PDK1: variants seen among roughly 807,000 people sequenced by gnomAD.
The protein encoded by PDK1 is [Pyruvate dehydrogenase (acetyl-transferring)] kinase isozyme 1, mitochondrial.
A neutral mutation model predicts 54.2 loss-of-function variants in PDK1; 39 were observed. That is an observed-to-expected ratio of 0.72 (90% confidence interval 0.56 to 0.94). PDK1 has a LOEUF of 0.94. PDK1 is among the 40% of genes least tolerant of loss of function. The probability of loss-of-function intolerance (pLI) is 0.00; values close to 1 mark genes in which losing one functional copy is unlikely to be tolerated. For synonymous variants in PDK1, 221 were observed against 207.1 expected (o/e 1.07, Z -0.58); for missense variants, 552 against 566.0 (o/e 0.98, Z 0.25).
the PDK1 span, among the ~76,000 whole-genome samples, chr2:172,711,655 A>T: frequency 1.3e-5 from 2 of 152,078 alleles, no homozygotes; most frequent in Non-Finnish European, 2.9e-5. Flanking sequence ...CCTTGAGTCC[A>T]GGAACTCGAG....
chr2:172,566,902 C>T lies in PDK1; in HGVS notation c.738C>T (p.Asn246=). The T allele has an allele frequency of 1.9e-6, 3 of 1,610,238 alleles. No individual in the cohort carries two copies. Among genetic ancestry groups the T allele is most frequent in the Non-Finnish European group, 2.5e-6 (3 of 1,177,130 alleles). ...ARRLCDLYYI[N]SPELELEELN... Reference sequence around the variant, plus strand: ...GTCTGTGTGATTTGTATTATATTAACTCTCCCGAACTAGAACTTGAAGAAC... The same window carrying T: ...GTCTGTGTGATTTGTATTATATTAATTCTCCCGAACTAGAACTTGAAGAAC... Residue 246 remains asparagine (N), a synonymous_variant, in exon 6 of 11, where the codon AAC becomes AAT. Coordinates refer to ENST00000282077, the MANE Select transcript of PDK1 (RefSeq NM_002610.5).
chr2:172,562,068 A>C (rs946536912), intron 2 of PDK1, 152 bp from the exon 3 acceptor site: 9 of 511,032 alleles, frequency 1.8e-5, no homozygotes, highest in Admixed American at 7.1e-5. Flanking sequence ...TTGAATGTGC[A>C]TGGGTGTAAA....
At chr2:172,611,760 T>C (rs1691471059), downstream of PDK1, among the ~76,000 whole-genome samples, 1 of 152,248 alleles carries the variant, frequency 6.6e-6, no homozygotes, top group African/African-American at 2.4e-5. Flanking sequence ...TCAATTAGTG[T>C]AATCATAGAA....
the PDK1 span, among the ~76,000 whole-genome samples, chr2:172,618,976 A>T: frequency 2.0e-5 from 3 of 152,216 alleles, no homozygotes; most frequent in African/African-American, 7.2e-5. Context: ...GCTTGGAGTT[A>T]GATGCATCGA....
At chr2:172,616,761 C>G in the PDK1 span, among the ~76,000 whole-genome samples, 1 of 151,984 alleles carries the variant, frequency 6.6e-6, no homozygotes, top group Non-Finnish European at 1.5e-5. Context: ...ATAATGCTCC[C>G]TCTTGAATAG....
At chr2:172,587,579 G>A (rs995318784) in intron 9 of PDK1, among the ~76,000 whole-genome samples, 43 of 152,172 alleles carry the variant, frequency 2.8e-4, no homozygotes, top group African/African-American at 9.9e-4. Flanking sequence ...CAAAGAGTGA[G>A]CAGCAGCAAG....
chr2:172,639,517 T>C, the PDK1 span, among the ~76,000 whole-genome samples: 2 of 152,226 alleles, frequency 1.3e-5, no homozygotes, highest in African/African-American at 4.8e-5. Context: ...TCTCTATTCT[T>C]TGCGATTAAA....
chr2:172,626,200 A>T, the PDK1 span, among the ~76,000 whole-genome samples: 1 of 152,202 alleles, frequency 6.6e-6, no homozygotes, highest in East Asian at 1.9e-4. Flanking sequence ...TTAGTTGCTG[A>T]GGCTCATTTA....
chr2:172,571,188 A>G (rs1014338381), intron 8 of PDK1, among the ~76,000 whole-genome samples: 3 of 152,168 alleles, frequency 2.0e-5, no homozygotes, highest in Non-Finnish European at 2.9e-5. Flanking sequence ...TTTCTAATCT[A>G]CTGGTTTCAT....
At chr2:172,720,116 C>CTCTCTCTTT in the PDK1 span, among the ~76,000 whole-genome samples, 1 of 116,736 alleles carries the variant, frequency 8.6e-6, no homozygotes, top group Middle Eastern at 4.5e-3. Context: ...CTCTCTCTCT[C>CTCTCTCTTT]TTTTTTTTTT....
At chr2:172,648,872 G>GGCCT in the PDK1 span, among the ~76,000 whole-genome samples, 1 of 152,226 alleles carries the variant, frequency 6.6e-6, no homozygotes. Flanking sequence ...AGCTTAAGGA[G>GGCCT]GCCTGCCTGC....
chr2:172,655,635 C>A, the PDK1 span, among the ~76,000 whole-genome samples: 4 of 152,374 alleles, frequency 2.6e-5, no homozygotes, highest in Middle Eastern at 3.4e-3. Context: ...TGATGTTTGA[C>A]AGGGGTGTGG....
chr2:172,667,954 T>C, the PDK1 span, among the ~76,000 whole-genome samples: 2 of 152,262 alleles, frequency 1.3e-5, no homozygotes, highest in Non-Finnish European at 2.9e-5. Context: ...GATTATGCTT[T>C]GCCAGAGCAA....
chr2:172,629,668 C>T, the PDK1 span, among the ~76,000 whole-genome samples: 1 of 152,190 alleles, frequency 6.6e-6, no homozygotes, highest in Non-Finnish European at 1.5e-5. Flanking sequence ...AGAGGACTGT[C>T]ACACTGAGCT....
chr2:172,622,495 CTCATATATTATGTGAGATATGTTTATA>C, the PDK1 span, among the ~76,000 whole-genome samples: 3 of 120,126 alleles, frequency 2.5e-5, no homozygotes, highest in African/African-American at 5.5e-5. Context: ...ATGTTTATAT[CTCATATATTATGTGAGATATGTTTATA>C]TCATATATTA....
intron 9 of PDK1, among the ~76,000 whole-genome samples, chr2:172,590,556 C>T (rs375622480): frequency 7.9e-5 from 12 of 152,056 alleles, no homozygotes; most frequent in African/African-American, 2.2e-4. Flanking sequence ...TTCATGGTCT[C>T]GCTGACTTCA....
At chr2:172,711,463 AT>A in the PDK1 span, among the ~76,000 whole-genome samples, 1 of 152,226 alleles carries the variant, frequency 6.6e-6, no homozygotes, top group African/African-American at 2.4e-5. Flanking sequence ...ATAAACTAAT[AT>A]ATTTCCATTC....
the PDK1 span, among the ~76,000 whole-genome samples, chr2:172,655,937 A>G: frequency 5.9e-5 from 9 of 152,250 alleles, no homozygotes; most frequent in Admixed American, 5.9e-4. Flanking sequence ...ACTCAAATCT[A>G]GCATGAAGCT....
At chr2:172,682,078 G>A in the PDK1 span, among the ~76,000 whole-genome samples, 1 of 152,194 alleles carries the variant, frequency 6.6e-6, no homozygotes, top group South Asian at 2.1e-4. Flanking sequence ...AATTTTAAAT[G>A]AGCAAGTCGA....
Sources: allele counts gnomAD v4.1 joint callset (sites outside exome capture counted in the v4.1 genomes callset), GRCh38; gene constraint gnomAD v4.1.1; transcripts MANE v1.5; gene names NCBI Gene and HGNC (gene_info 2026-07-23, HGNC 2026-07-21).